The following ERCC4 variants were observed in gnomAD, a reference collection of about 807,000 sequenced individuals.
The protein encoded by ERCC4 is ERCC excision repair 4, endonuclease catalytic subunit, also known as DNA repair endonuclease XPF.
In ERCC4, 65 loss-of-function variants were observed where a neutral mutation model predicts 76.9. The observed-to-expected ratio is 0.84, with a 90% CI of 0.69 to 1.04. The LOEUF (loss-of-function observed/expected upper bound fraction) is 1.04. ERCC4 is among the 50% of genes least tolerant of loss of function. The pLI is 0.00. For synonymous variants in ERCC4, 463 were observed against 410.1 expected, an observed-to-expected ratio of 1.13 and a Z score of -1.56; for missense variants, 1,214 against 1,128.2, an observed-to-expected ratio of 1.08 and a Z score of -1.09.
intron 9 of ERCC4, among the ~76,000 whole-genome samples, chr16:13,939,272 G>A (rs530833113): frequency 6.6e-6 from 1 of 152,260 alleles, no homozygotes; most frequent in Admixed American, 6.5e-5. Context: ...TCTGGTATGT[G>A]CCAGGCCCTG....
rs2032569882 is a variant in ERCC4, at chr16:13,948,480, A to G, written c.*133A>G. ...GCTCTTAATGATTGTACGGTGGACC[A>G]GAAGCCAGGATTCCTCTCTGAACTC... On this transcript the variant is annotated 3_prime_UTR_variant, in exon 11 of 11. Transcript: ENST00000311895. The G allele has an allele frequency of 9.0e-7, 1 of 1,109,194 alleles. No homozygotes were observed. The highest frequency in any genetic ancestry group is 1.9e-5 in the Admixed American group (1 of 53,892). The allele number at this position is 1,109,194 out of a possible 1,614,324, so 68.7% of individuals were successfully genotyped here.
At chr16:13,931,877 C>A in intron 5 of ERCC4, 1 of 384,194 alleles carries the variant, frequency 2.6e-6, no homozygotes, top group Non-Finnish European at 4.7e-6. Context: ...GAAATGTCAA[C>A]GCAGTGAAAA....
chr16:13,948,050 A>G lies in ERCC4; in HGVS notation c.2454A>G (p.Gln818=). Residue 818 remains glutamine, a synonymous_variant, in exon 11 of 11, where the codon CAA becomes CAG. Transcript: ENST00000311895. Reference sequence around the variant, plus strand: ...CGGAGTTGTTTGAGGAGCTGAAACAAAGCAAGCCACAGCCTGATGCGGCGA... The same window carrying G: ...CGGAGTTGTTTGAGGAGCTGAAACAGAGCAAGCCACAGCCTGATGCGGCGA... ...ATAELFEELK[Q]SKPQPDAATA... The G allele has an allele frequency of 6.2e-7, 1 of 1,614,178 alleles. No homozygotes were observed.
chr16:13,934,884 A>G, intron 7 of ERCC4: 2 of 389,116 alleles, frequency 5.1e-6, no homozygotes, highest in Non-Finnish European at 4.7e-6. Context: ...GAACTTCTTT[A>G]AAGCCCCAAT....
chr16:13,921,893 A>G, intron 1 of ERCC4, 138 bp from the exon 2 acceptor site: 2 of 634,750 alleles, frequency 3.2e-6, no homozygotes, highest in South Asian at 1.9e-5. Flanking sequence ...AAGTTACTAT[A>G]AAGAAGTAAC....
In ERCC4 at chr16:13,948,419, A is replaced by G. The variant is rs1423646185; in HGVS notation, c.*72A>G. The G allele has an allele frequency of 1.3e-6, 2 of 1,512,324 alleles. No homozygotes were observed. The highest frequency in any genetic ancestry group is 1.1e-5 in the South Asian group (1 of 88,486). The allele number at this position is 1,512,324 out of a possible 1,614,324, so 93.7% of individuals were successfully genotyped here. A position where few individuals can be genotyped will look rare whatever the true frequency, so the allele number is the denominator to read the frequency against. ...TCCTTGCCAGACATCATAGGTCATT[A>G]TTAATTATTGGTTTGCTATTTCATT... On this transcript the variant is annotated 3_prime_UTR_variant, in exon 11 of 11. Transcript: ENST00000311895.
intron 5 of ERCC4, chr16:13,931,396 C>T (rs536033542): frequency 3.6e-4 from 59 of 161,850 alleles, no homozygotes; most frequent in African/African-American, 1.3e-3. Context: ...AAGTGTGGTC[C>T]GTGAACCCCT....
chr16:13,941,531 C>G (rs1026610355), intron 9 of ERCC4, among the ~76,000 whole-genome samples: 1 of 152,136 alleles, frequency 6.6e-6, no homozygotes, highest in African/African-American at 2.4e-5. Context: ...GTTGTAAGAA[C>G]AAAAGCAGTT....
chr16:13,936,576 G>A (rs1438672796), intron 8 of ERCC4, among the ~76,000 whole-genome samples: 1 of 152,212 alleles, frequency 6.6e-6, no homozygotes, highest in Non-Finnish European at 1.5e-5. Flanking sequence ...GAATAGTGTG[G>A]TATTTGGGAG....
At chr16:13,943,949 T>C (rs559133685) in intron 9 of ERCC4, 1 of 152,238 alleles carries the variant, frequency 6.6e-6, no homozygotes, top group Non-Finnish European at 1.5e-5. Flanking sequence ...TTGCGAATCT[T>C]AGTTATGATT....
chr16:13,922,476 A>C, intron 2 of ERCC4: 1 of 755,182 alleles, frequency 1.3e-6, no homozygotes, highest in South Asian at 1.3e-5. Flanking sequence ...TTAGCTTCAC[A>C]TACATCTTGG....
At chr16:13,937,503 A>C (rs1221006680) in intron 8 of ERCC4, among the ~76,000 whole-genome samples, 1 of 152,162 alleles carries the variant, frequency 6.6e-6, no homozygotes, top group Non-Finnish European at 1.5e-5. Flanking sequence ...CTATCCCTCT[A>C]GTTATATTTC....
intron 10 of ERCC4, among the ~76,000 whole-genome samples, chr16:13,945,526 G>A (rs1422411195): frequency 1.3e-5 from 2 of 152,244 alleles, no homozygotes; most frequent in Non-Finnish European, 2.9e-5. Context: ...AACCTTCGGT[G>A]AGGCCAAGTA....
intron 7 of ERCC4, 65 bp from the exon 8 acceptor site, chr16:13,935,081 G>T (rs1273791680): frequency 8.3e-7 from 1 of 1,204,456 alleles, no homozygotes; most frequent in Non-Finnish European, 1.2e-6. Flanking sequence ...AAGGAATAAG[G>T]GGGCACAGGG....
rs774900622 is a variant in ERCC4 at position 13,947,704 on chromosome 16, G to T, written c.2108G>T (p.Gly703Val). 2 of 1,614,220 alleles carry T rather than the reference G, an allele frequency of 1.2e-6. No homozygotes were observed. Among genetic ancestry groups the T allele is most frequent in the Non-Finnish European group, 8.5e-7 (1 of 1,180,040 alleles). Residue 703 changes from glycine (G) to valine (V), a missense_variant, in exon 11 of 11, where the codon GGC (glycine) becomes GTC (valine). Gly to Val is a moderately radical substitution (Grantham distance 109). Transcript: ENST00000311895. ...CTTCCATCTCTGATCCATCGTCGGG[G>T]CATTGACATTGAACCCGTGACTTTA... ...SELPSLIHRRGIDIEPVTLEV... is the reference protein window; with the variant it reads ...SELPSLIHRRVIDIEPVTLEV...
chr16:13,930,706 T>G lies in ERCC4; in HGVS notation c.793-4T>G. On this transcript the variant is annotated splice_polypyrimidine_tract_variant and splice_region_variant and intron_variant, in intron 4 of 10. Coordinates refer to ENST00000311895, the MANE Select transcript of ERCC4 (RefSeq NM_005236.3). ...AGCAATACCAAATTTTATTCTTGTT[T>G]TAGACAATCCGCCATTATCTGGATC... 1 of 1,611,174 alleles carries G rather than the reference T, an allele frequency of 6.2e-7. No homozygotes were observed. The highest frequency in any genetic ancestry group is 2.2e-5 in the East Asian group (1 of 44,838).
In ERCC4 at chr16:13,935,684, G is replaced by T. The variant is rs1470703896; in HGVS notation, c.1752G>T (p.Glu584Asp). 4 of 1,614,048 alleles carry T rather than the reference G, an allele frequency of 2.5e-6. No individual in the cohort carries two copies. Among genetic ancestry groups the T allele is most frequent in the Non-Finnish European group, 3.4e-6 (4 of 1,180,044 alleles). ...GATACGTGGTTCTTTATGACGCAGA[G>T]CTAACCTTTGTTCGGCAGCTTGAAA... ...EPRYVVLYDA[E>D]LTFVRQLEIY... is the part of the protein sequence containing the mutation. The change falls in exon 8 of 11, where the codon GAG becomes GAT. Residue 584 changes from glutamate (E) to aspartate (D), a missense_variant. By Grantham distance (45) the Glu-to-Asp change is conservative (BLOSUM62 2). Transcript: ENST00000311895.
intron 6 of ERCC4, 168 bp downstream of exon 6, chr16:13,932,453 A>AT: frequency 1.5e-6 from 1 of 659,118 alleles, no homozygotes; most frequent in Non-Finnish European, 2.6e-6. Flanking sequence ...GAAAGTATAT[A>AT]TGTAAAGTAT....
Position 13,928,148 on chromosome 16 carries a change from A to G in ERCC4, c.705A>G (p.Ala235=), listed in dbSNP as rs2032105533. Residue 235 remains alanine (A), a synonymous_variant, in exon 4 of 11, where the codon GCA becomes GCG. Coordinates refer to ENST00000311895, the MANE Select transcript of ERCC4 (RefSeq NM_005236.3). ...CTGCTATACTGGACATTTTAAATGC[A>G]TGTCTAAAGGAACTAAAATGCCATA... The part of the protein sequence containing the change: ...IQTAILDILN[A]CLKELKCHNP... The G allele has an allele frequency of 2.5e-6, 4 of 1,613,300 alleles. No homozygotes were observed. In the East Asian group the frequency reaches 6.7e-5, roughly 27 times the overall value.
Sources: gnomAD v4.1 joint callset for allele counts (sites outside exome capture counted in the v4.1 genomes callset) on GRCh38, gnomAD v4.1.1 for gene constraint, MANE v1.5 for transcripts, NCBI Gene and HGNC (gene_info 2026-07-23, HGNC 2026-07-21) for gene names.